The following MYH15 variants were observed in gnomAD, a reference collection of about 807,000 sequenced individuals.
The protein encoded by MYH15 is myosin-15.
Under a neutral mutation model 240.5 loss-of-function variants are expected in MYH15, and 227 were observed. The ratio of observed to expected loss-of-function variants is 0.94; its 90% CI spans 0.85 to 1.05. The LOEUF (loss-of-function observed/expected upper bound fraction) is 1.05. Among genes scored for constraint, MYH15 ranks in the 50% least tolerant of loss-of-function variants. The pLI is 0.00. For synonymous variants in MYH15, 785 were observed against 796.7 expected, an observed-to-expected ratio of 0.99 and a Z score of 0.25; for missense variants, 2,217 against 2,247.5, an observed-to-expected ratio of 0.99 and a Z score of 0.27.
intron 25 of MYH15, among the ~76,000 whole-genome samples, chr3:108,433,671 A>C (rs555419776): frequency 1.3e-5 from 2 of 152,212 alleles, no homozygotes; most frequent in African/African-American, 4.8e-5. Context: ...TTTTATAAGG[A>C]GGAGTCCCCC....
At chr3:108,442,975 G>T (rs1265738287) in intron 22 of MYH15, among the ~76,000 whole-genome samples, 1 of 152,000 alleles carries the variant, frequency 6.6e-6, no homozygotes, top group East Asian at 1.9e-4. Context: ...CCTTTGACAT[G>T]CATATCAAGC....
intron 9 of MYH15, among the ~76,000 whole-genome samples, chr3:108,487,202 C>A (rs1224737402): frequency 6.6e-6 from 1 of 152,246 alleles, no homozygotes; most frequent in East Asian, 1.9e-4. Context: ...GGCAGAATCA[C>A]ATTAACCTTT....
intron 1 of MYH15, among the ~76,000 whole-genome samples, chr3:108,521,213 T>C (rs963997350): frequency 1.3e-5 from 2 of 152,150 alleles, no homozygotes; most frequent in Admixed American, 1.3e-4. Context: ...GAAAATTTTC[T>C]TTTACTGAGT....
upstream of MYH15, chr3:108,529,340 G>A (rs755855990): frequency 1.3e-5 from 17 of 1,313,354 alleles, no homozygotes; most frequent in Admixed American, 3.7e-5. Flanking sequence ...TTGAGGATCC[G>A]ATGAGAGAAT....
At chr3:108,406,056 T>C (rs1161198105) in intron 32 of MYH15, among the ~76,000 whole-genome samples, 1 of 152,242 alleles carries the variant, frequency 6.6e-6, no homozygotes, top group Non-Finnish European at 1.5e-5. Context: ...AGGCAGAAGA[T>C]TCCTTGCCCC....
intron 21 of MYH15, among the ~76,000 whole-genome samples, chr3:108,451,588 T>C (rs1341853006): frequency 2.6e-5 from 4 of 152,158 alleles, no homozygotes; most frequent in Non-Finnish European, 4.4e-5. Context: ...TTACTGGCAA[T>C]GTCTACCAAA....
chr3:108,484,527 G>A (rs148233452), intron 11 of MYH15, among the ~76,000 whole-genome samples: 2,787 of 152,224 alleles, frequency 0.018, 42 homozygotes, highest in Admixed American at 0.031. Flanking sequence ...CACCCAGGCT[G>A]AAGTGCAGTG....
the MYH15 span, among the ~76,000 whole-genome samples, chr3:108,539,346 G>A: frequency 6.6e-6 from 1 of 152,110 alleles, no homozygotes; most frequent in Non-Finnish European, 1.5e-5. Flanking sequence ...AATGATAGAG[G>A]TTTAGCAGGG....
At chr3:108,535,962 A>C in the MYH15 span, among the ~76,000 whole-genome samples, 1 of 152,192 alleles carries the variant, frequency 6.6e-6, no homozygotes, top group Non-Finnish European at 1.5e-5. Flanking sequence ...AACAAATTGC[A>C]TTAGAAAAAC....
chr3:108,511,604 C>G (rs906836572), upstream of MYH15, among the ~76,000 whole-genome samples: 1 of 152,118 alleles, frequency 6.6e-6, no homozygotes, highest in Admixed American at 6.5e-5. Context: ...AAATGAGAAG[C>G]TATTCTCTCT....
Position 108,399,915 on chromosome 3 carries a change from T to C in MYH15, c.4737-648A>G, listed in dbSNP as rs137965867. On this transcript the variant is annotated intron_variant, in intron 33 of 40. Transcript: ENST00000693548. ...AAAAAACTAGAACTAAAAACGTATT[T>C]GCAAAGTGACAGAAGACAATAGCTA... is the stretch of plus-strand genomic sequence containing the variant. 4.3e-4 allele frequency among the ~76,000 whole-genome samples: 65 copies of C among 152,300 alleles called. No homozygotes were observed. In the East Asian group the frequency reaches 0.012, roughly 27 times the overall value.
intron 36 of MYH15, among the ~76,000 whole-genome samples, chr3:108,392,871 G>A (rs1026713696): frequency 2.6e-5 from 4 of 152,180 alleles, no homozygotes; most frequent in African/African-American, 9.7e-5. Flanking sequence ...TTTCATAAAT[G>A]TTACACATAT....
chr3:108,427,556 C>G (rs941436347), intron 27 of MYH15, among the ~76,000 whole-genome samples: 1 of 151,706 alleles, frequency 6.6e-6, no homozygotes, highest in African/African-American at 2.4e-5. Context: ...TTGTAAATTA[C>G]CCAGTCTGTG....
chr3:108,409,823 A>T (rs1360265098), intron 31 of MYH15, among the ~76,000 whole-genome samples: 1 of 152,194 alleles, frequency 6.6e-6, no homozygotes, highest in African/African-American at 2.4e-5. Flanking sequence ...ATGTATAGGG[A>T]TATATAATGT....
chr3:108,523,207 A>T (rs2083635923), intron 1 of MYH15, among the ~76,000 whole-genome samples: 2 of 152,066 alleles, frequency 1.3e-5, no homozygotes, highest in African/African-American at 4.8e-5. Flanking sequence ...CAAATTGGCT[A>T]TCTCTGGATG....
At chr3:108,487,855 C>G (rs1268948577) in intron 9 of MYH15, among the ~76,000 whole-genome samples, 2 of 152,042 alleles carry the variant, frequency 1.3e-5, no homozygotes, top group Non-Finnish European at 2.9e-5. Context: ...TAAAATTGGC[C>G]TAGCTTAAAT....
chr3:108,479,459 A>C (rs958457881), intron 11 of MYH15, among the ~76,000 whole-genome samples: 1 of 152,184 alleles, frequency 6.6e-6, no homozygotes, highest in Admixed American at 6.5e-5. Context: ...GGTGATTCTG[A>C]TACACATACA....
chr3:108,538,564 A>G, the MYH15 span, among the ~76,000 whole-genome samples: 1 of 152,240 alleles, frequency 6.6e-6, no homozygotes, highest in Non-Finnish European at 1.5e-5. Flanking sequence ...AAAAATGTCT[A>G]TTCAAAGCAA....
At chr3:108,460,481 C>T (rs1265609189) in intron 16 of MYH15, 114 bp from the exon 17 acceptor site, 1 of 624,904 alleles carries the variant, frequency 1.6e-6, no homozygotes, top group African/African-American at 1.9e-5. Context: ...AACAATATGG[C>T]AATATCTACC....
Sources: allele counts gnomAD v4.1 joint callset (sites outside exome capture counted in the v4.1 genomes callset), GRCh38; gene constraint gnomAD v4.1.1; transcripts MANE v1.5; gene names NCBI Gene and HGNC (gene_info 2026-07-23, HGNC 2026-07-21).